DIO2: variants seen among roughly 807,000 people sequenced by gnomAD.
DIO2 encodes the protein iodothyronine deiodinase 2.
A neutral mutation model predicts 21.4 loss-of-function variants in DIO2; 19 were observed. That is an observed-to-expected ratio of 0.89 (90% CI 0.62 to 1.30). The LOEUF (loss-of-function observed/expected upper bound fraction) is 1.30, where lower values mean the gene tolerates loss of function less well. Among genes scored for constraint, DIO2 ranks in the 50% most tolerant of loss-of-function variants. The pLI is 0.00. For missense variants in DIO2, 302 were observed against 338.1 expected, an observed-to-expected ratio of 0.89 and a Z score of 0.84; for synonymous variants, 122 against 132.9, an observed-to-expected ratio of 0.92 and a Z score of 0.57.
At position 80,202,684 on chromosome 14, in the gene DIO2, T is replaced by C; in HGVS notation, c.*5A>G. ...AAAACAATAAGCTCTCTTATAATCATACCTTTAACCAGCTAATCTAGTTTT... is the reference window on the plus strand; with the variant it reads ...AAAACAATAAGCTCTCTTATAATCACACCTTTAACCAGCTAATCTAGTTTT... On this transcript the variant is annotated 3_prime_UTR_variant, in exon 2 of 2. Coordinates refer to ENST00000438257, the MANE Select transcript of DIO2 (RefSeq NM_013989.5). The C allele has an allele frequency of 6.2e-7, 1 of 1,604,894 alleles. No homozygotes were observed.
Position 80,202,139 on chromosome 14 carries a change from G to A in DIO2, c.*550C>T. On this transcript the variant is annotated 3_prime_UTR_variant, in exon 2 of 2. Transcript: ENST00000438257. ...AATTTCTGGGGTATGAAGACTGAGA[G>A]CACTACATGGCTAGAAGCTGGAACA... 5.8e-6 allele frequency: 2 copies of A among 342,330 alleles called. No homozygotes were observed. The highest frequency in any genetic ancestry group is 1.1e-5 in the Non-Finnish European group (2 of 174,162). The allele number at this position is 342,330 out of a possible 1,614,324, so 21.2% of individuals were successfully genotyped here. A position where few individuals can be genotyped will look rare whatever the true frequency, so the allele number is the denominator to read the frequency against.
chr14:80,212,923 T>A (rs1222174725), upstream of DIO2, among the ~76,000 whole-genome samples: 1 of 152,052 alleles, frequency 6.6e-6, no homozygotes, highest in Admixed American at 6.5e-5. Context: ...ATTTTGCAGA[T>A]AAAATTAAAA....
At position 80,211,316 on chromosome 14, in the gene DIO2, G is replaced by A; in HGVS notation, c.157C>T (p.Arg53Cys). Reference sequence around the variant, plus strand: ...CGCAGTCCCTCTGAGGTCAGCATGCGCCGCCACTCTCCGCGAGTGGACTTG... The same window carrying A: ...CGCAGTCCCTCTGAGGTCAGCATGCACCGCCACTCTCCGCGAGTGGACTTG... Reference protein sequence around the residue: ...RSKSTRGEWRRMLTSEGLRCV... With the variant: ...RSKSTRGEWRCMLTSEGLRCV... The change falls in exon 1 of 2, where the codon CGC becomes TGC. Residue 53 changes from arginine to cysteine, a missense_variant. Physicochemically the swap from Arg to Cys is radical, Grantham distance 180. Transcript: ENST00000438257. The A allele has an allele frequency of 6.2e-7, 1 of 1,612,960 alleles. No individual in the cohort carries two copies. Among genetic ancestry groups the A allele is most frequent in the Non-Finnish European group, 8.5e-7 (1 of 1,179,778 alleles).
chr14:80,208,673 C>T (rs1052115472), intron 1 of DIO2, among the ~76,000 whole-genome samples: 7 of 152,178 alleles, frequency 4.6e-5, no homozygotes, highest in East Asian at 1.9e-4. Flanking sequence ...CCTCTTACAA[C>T]GTCTCTGGAA....
At chr14:80,206,004 A>G (rs1887940300) in intron 1 of DIO2, among the ~76,000 whole-genome samples, 1 of 152,158 alleles carries the variant, frequency 6.6e-6, no homozygotes, top group Non-Finnish European at 1.5e-5. Context: ...GAGTACTACC[A>G]AAATCAGCAC....
chr14:80,212,914 T>C (rs1335037842), upstream of DIO2, among the ~76,000 whole-genome samples: 2 of 152,036 alleles, frequency 1.3e-5, no homozygotes, highest in African/African-American at 4.8e-5. Context: ...TTTAGCTTCA[T>C]TTTGCAGATA....
At chr14:80,224,579 AT>A (rs1249479011) in intron 2 of DIO2, among the ~76,000 whole-genome samples, 5 of 151,634 alleles carry the variant, frequency 3.3e-5, no homozygotes, top group South Asian at 2.1e-4. Context: ...TTGAAAAGCA[AT>A]TTTGGCCCAC....
chr14:80,217,823 G>A (rs1488185085), intron 2 of DIO2, among the ~76,000 whole-genome samples: 1 of 152,116 alleles, frequency 6.6e-6, no homozygotes, highest in Non-Finnish European at 1.5e-5. Flanking sequence ...ACTCCTCAAA[G>A]CAAAAATCTC....
chr14:80,219,818 T>C (rs1888430262), intron 2 of DIO2, among the ~76,000 whole-genome samples: 1 of 152,200 alleles, frequency 6.6e-6, no homozygotes, highest in Non-Finnish European at 1.5e-5. Context: ...AATACAGTAT[T>C]ACAAAATGAA....
At chr14:80,230,563 A>G (rs1594885528) in intron 2 of DIO2, among the ~76,000 whole-genome samples, 1 of 152,128 alleles carries the variant, frequency 6.6e-6, no homozygotes, top group Admixed American at 6.5e-5. Flanking sequence ...GATTCTCCAC[A>G]TATGGTCAAA....
chr14:80,202,508 A>G lies in DIO2; in HGVS notation c.*181T>C. ...AGAGAGGTGATATGGTTACTTACTC[A>G]GCCCAATGCCATTTGAGTAGTGAAA... On this transcript the variant is annotated 3_prime_UTR_variant, in exon 2 of 2. Coordinates refer to ENST00000438257, the MANE Select transcript of DIO2 (RefSeq NM_013989.5). The G allele has an allele frequency of 1.4e-6, 1 of 732,380 alleles. No homozygotes were observed. The highest frequency in any genetic ancestry group is 2.3e-6 in the Non-Finnish European group (1 of 428,808). The allele number at this position is 732,380 out of a possible 1,614,324, so 45.4% of individuals were successfully genotyped here.
intron 2 of DIO2, among the ~76,000 whole-genome samples, chr14:80,217,094 G>T (rs918149876): frequency 5.9e-5 from 9 of 152,150 alleles, no homozygotes; most frequent in African/African-American, 1.9e-4. Flanking sequence ...ACTAAGTAAG[G>T]CTCAAAGAAA....
Position 80,202,563 on chromosome 14 carries a change from C to T in DIO2, c.*126G>A. ...TATGGAGCTGTTAGAGATTCATGTT[C>T]TTCCGATAGATAAACTCCTGTCTTT... On this transcript the variant is annotated 3_prime_UTR_variant, in exon 2 of 2. Coordinates refer to ENST00000438257, the MANE Select transcript of DIO2 (RefSeq NM_013989.5). 9.8e-7 allele frequency: 1 copy of T among 1,016,440 alleles called. No individual in the cohort carries two copies. The highest frequency in any genetic ancestry group is 1.4e-6 in the Non-Finnish European group (1 of 708,890). The allele number at this position is 1,016,440 out of a possible 1,614,324, so 63.0% of individuals were successfully genotyped here. A position where few individuals can be genotyped will look rare whatever the true frequency, so the allele number is the denominator to read the frequency against.
intron 2 of DIO2, among the ~76,000 whole-genome samples, chr14:80,221,900 G>A (rs1057135392): frequency 2.6e-5 from 4 of 152,138 alleles, no homozygotes; most frequent in African/African-American, 9.7e-5. Context: ...TCTTTCATCA[G>A]TGATCTGTCA....
rs991443198 is a variant in DIO2 at position 80,198,797 on chromosome 14, C to A, written c.*3892G>T. 8 of 150,804 alleles carry A rather than the reference C, an allele frequency of 5.3e-5. No individual in the cohort carries two copies. The highest frequency in any genetic ancestry group is 1.9e-4 in the African/African-American group (8 of 41,064). 9.3% of individuals were successfully genotyped at this position (150,804 alleles called of 1,614,324 possible). The stretch of plus-strand genomic sequence containing the variant: ...AAAAAAAAAAAAAAAAAAAAACCTC[C>A]TAAAATTAAAAGCCTTACTTGCAGT... On this transcript the variant is annotated 3_prime_UTR_variant, in exon 2 of 2. Coordinates refer to ENST00000438257, the MANE Select transcript of DIO2 (RefSeq NM_013989.5).
upstream of DIO2, among the ~76,000 whole-genome samples, chr14:80,212,738 G>A (rs1313174178): frequency 6.6e-6 from 1 of 151,754 alleles, no homozygotes; most frequent in Non-Finnish European, 1.5e-5. Flanking sequence ...AAAATGAGTT[G>A]TAGGTGGAAA....
intron 2 of DIO2, among the ~76,000 whole-genome samples, chr14:80,229,518 G>T (rs1443412275): frequency 1.3e-5 from 2 of 152,034 alleles, no homozygotes; most frequent in Non-Finnish European, 2.9e-5. Context: ...ATTGGTCAAG[G>T]GTATATCTTC....
intron 1 of DIO2, among the ~76,000 whole-genome samples, chr14:80,206,899 C>G (rs12437279): frequency 6.6e-6 from 1 of 151,970 alleles, no homozygotes; most frequent in African/African-American, 2.4e-5. Context: ...CAGCATTAGC[C>G]GCTCTAAAGA....
chr14:80,220,040 TTGTGTG>T (rs10553303), intron 2 of DIO2, among the ~76,000 whole-genome samples: 19 of 150,092 alleles, frequency 1.3e-4, no homozygotes, highest in East Asian at 1.2e-3. Context: ...CAATCTTGTT[TTGTGTG>T]TGTGTGTGTG....
Sources: gnomAD v4.1 joint callset for allele counts (sites outside exome capture counted in the v4.1 genomes callset) on GRCh38, gnomAD v4.1.1 for gene constraint, MANE v1.5 for transcripts, NCBI Gene and HGNC (gene_info 2026-07-23, HGNC 2026-07-21) for gene names.